RBFOX1: variants seen among roughly 807,000 people sequenced by gnomAD.
RBFOX1 encodes RNA binding protein fox-1 homolog 1.
In RBFOX1, 8 loss-of-function variants were observed where a neutral mutation model predicts 57.7. The ratio of observed to expected loss-of-function variants is 0.14; its 90% CI spans 0.08 to 0.25. The LOEUF (loss-of-function observed/expected upper bound fraction) is 0.25, where lower values mean the gene tolerates loss of function less well. Ranked by LOEUF, RBFOX1 falls within the 10% of genes least tolerant of loss-of-function variation. The probability of loss-of-function intolerance (pLI) is 1.00; values close to 1 mark genes in which losing one functional copy is unlikely to be tolerated. For missense variants in RBFOX1, 611 were observed against 548.5 expected (o/e 1.11, Z -1.14); for synonymous variants, 326 against 222.4 (o/e 1.47, Z -4.15).
chr16:5,910,622 G>T (rs1229887610), intron 4 of RBFOX1, among the ~76,000 whole-genome samples: 1 of 152,164 alleles, frequency 6.6e-6, no homozygotes, highest in African/African-American at 2.4e-5. Context: ...GGAGCTGTCC[G>T]GAGTGGCTTT....
intron 10 of RBFOX1, among the ~76,000 whole-genome samples, chr16:7,613,252 T>C (rs1212892792): frequency 6.6e-6 from 1 of 152,136 alleles, no homozygotes; most frequent in Non-Finnish European, 1.5e-5. Context: ...TTTGTGGTTT[T>C]GAGAGGGAAA....
intron 2 of RBFOX1, among the ~76,000 whole-genome samples, chr16:6,388,029 G>C (rs1038053233): frequency 2.2e-5 from 3 of 138,718 alleles, no homozygotes; most frequent in African/African-American, 8.2e-5. Context: ...GGCCAGGCTG[G>C]AGTGCACTGG....
chr16:6,901,385 G>A (rs1368837245), intron 3 of RBFOX1, among the ~76,000 whole-genome samples: 1 of 152,094 alleles, frequency 6.6e-6, no homozygotes. Context: ...AAATCAAAGT[G>A]AACAGGACGT....
chr16:7,171,705 T>C (rs1252621836), intron 4 of RBFOX1, among the ~76,000 whole-genome samples: 1 of 152,236 alleles, frequency 6.6e-6, no homozygotes, highest in African/African-American at 2.4e-5. Flanking sequence ...AGCAATGAGC[T>C]TGTGTTTTCT....
rs35754742 is a variant in RBFOX1, at chr16:6,829,481, TA to T, written c.-16+174845del. Among the ~76,000 whole-genome samples the T allele has an allele frequency of 7.7e-3, 1,045 of 135,622 alleles. 14 individuals are homozygous for T. The highest frequency in any genetic ancestry group is 0.025 in the African/African-American group (951 of 37,628). The allele number at this position is 135,622 out of a possible 152,430, so 89.0% of individuals were successfully genotyped here. ...ATGCAATGAAATACCACTCAACCAT[TA>T]AAAAAAAAAAAAACAAAAAAACGTT... On this transcript the variant is annotated intron_variant, in intron 3 of 15. Transcript: ENST00000550418.
intron 4 of RBFOX1, among the ~76,000 whole-genome samples, chr16:7,095,229 C>T (rs1301785903): frequency 6.6e-6 from 1 of 152,146 alleles, no homozygotes. Flanking sequence ...CTCCGCCTCC[C>T]AGGTTCAAAC....
intron 4 of RBFOX1, among the ~76,000 whole-genome samples, chr16:7,069,933 C>G (rs948011266): frequency 2.0e-5 from 3 of 152,224 alleles, no homozygotes; most frequent in African/African-American, 4.8e-5. Context: ...TAAAATAGTA[C>G]ATTCGCCATA....
chr16:6,811,922 G>A (rs2088729742), intron 3 of RBFOX1, among the ~76,000 whole-genome samples: 1 of 151,906 alleles, frequency 6.6e-6, no homozygotes, highest in Admixed American at 6.6e-5. Flanking sequence ...AAAATATAAG[G>A]CACAGAAAAA....
intron 3 of RBFOX1, among the ~76,000 whole-genome samples, chr16:5,706,454 A>G (rs569815140): frequency 6.6e-6 from 1 of 152,126 alleles, no homozygotes; most frequent in African/African-American, 2.4e-5. Context: ...CTCCCCCGTC[A>G]TTTATGCTGG....
intron 2 of RBFOX1, among the ~76,000 whole-genome samples, chr16:6,498,522 C>A (rs1020589717): frequency 6.6e-6 from 1 of 152,084 alleles, no homozygotes; most frequent in Non-Finnish European, 1.5e-5. Context: ...CCCTTTTAGA[C>A]CCATAGATTT....
chr16:5,476,805 A>G (rs1324941366), intron 2 of RBFOX1, among the ~76,000 whole-genome samples: 1 of 152,198 alleles, frequency 6.6e-6, no homozygotes, highest in Non-Finnish European at 1.5e-5. Context: ...TTTTCTGGGC[A>G]GAAATCCTTT....
chr16:6,607,556 C>A (rs12445979), intron 2 of RBFOX1, among the ~76,000 whole-genome samples: 4,773 of 145,270 alleles, frequency 0.033, 95 homozygotes, highest in Non-Finnish European at 0.045. Flanking sequence ...CTCCTCTTTC[C>A]CTCTTCCTCC....
At chr16:7,585,768 T>C (rs1236560294) in intron 6 of RBFOX1, among the ~76,000 whole-genome samples, 1 of 152,150 alleles carries the variant, frequency 6.6e-6, no homozygotes, top group Non-Finnish European at 1.5e-5. Flanking sequence ...ATCTGTATGT[T>C]CTAAATAATT....
chr16:6,369,100 G>C (rs1369415213), intron 2 of RBFOX1, among the ~76,000 whole-genome samples: 1 of 152,170 alleles, frequency 6.6e-6, no homozygotes, highest in Non-Finnish European at 1.5e-5. Context: ...GTATGTATGT[G>C]TGTATATGTA....
intron 3 of RBFOX1, among the ~76,000 whole-genome samples, chr16:7,041,642 C>T (rs1019121211): frequency 3.3e-5 from 5 of 152,230 alleles, no homozygotes; most frequent in African/African-American, 1.2e-4. Flanking sequence ...ATTTACCACC[C>T]TTCTTAAAAA....
chr16:7,087,179 A>G (rs2060120726), intron 4 of RBFOX1, among the ~76,000 whole-genome samples: 2 of 152,182 alleles, frequency 1.3e-5, no homozygotes, highest in South Asian at 4.1e-4. Flanking sequence ...GGGTTGCTGC[A>G]CATGTTCTTT....
intron 3 of RBFOX1, among the ~76,000 whole-genome samples, chr16:6,945,306 G>A (rs899733538): frequency 3.9e-5 from 6 of 152,004 alleles, no homozygotes; most frequent in African/African-American, 9.7e-5. Context: ...GTACACTAGG[G>A]GTCTCAAACG....
chr16:6,528,924 T>C (rs1305752855), intron 2 of RBFOX1, among the ~76,000 whole-genome samples: 6 of 152,194 alleles, frequency 3.9e-5, no homozygotes, highest in Admixed American at 6.5e-5. Flanking sequence ...GAATATTTAT[T>C]AAATGAACAG....
At chr16:6,535,019 A>C (rs975845221) in intron 2 of RBFOX1, among the ~76,000 whole-genome samples, 8 of 152,222 alleles carry the variant, frequency 5.3e-5, no homozygotes, top group African/African-American at 1.7e-4. Context: ...ACAGTCATTC[A>C]TGACACAGGT....
Sources: gnomAD v4.1 joint callset for allele counts (sites outside exome capture counted in the v4.1 genomes callset) on GRCh38, gnomAD v4.1.1 for gene constraint, MANE v1.5 for transcripts, NCBI Gene and HGNC (gene_info 2026-07-23, HGNC 2026-07-21) for gene names.